WWC2: variants seen among roughly 807,000 people sequenced by gnomAD.
WWC2 encodes protein WWC2.
A neutral mutation model predicts 138.5 loss-of-function variants in WWC2; 101 were observed. The observed-to-expected ratio is 0.73, with a 90% CI of 0.62 to 0.86. The LOEUF (loss-of-function observed/expected upper bound fraction) is 0.86, where lower values mean the gene tolerates loss of function less well. Ranked by LOEUF, WWC2 falls within the 40% of genes least tolerant of loss-of-function variation. WWC2 has a pLI of 0.00. For missense variants in WWC2, 1,420 were observed against 1,419.4 expected (o/e 1.00, Z -0.01); for synonymous variants, 558 against 538.4 (o/e 1.04, Z -0.50).
chr4:183,190,867 C>A (rs904428374), intron 1 of WWC2, among the ~76,000 whole-genome samples: 6 of 152,174 alleles, frequency 3.9e-5, no homozygotes, highest in African/African-American at 1.2e-4. Context: ...TTTATAACTT[C>A]CTATTCTTAA....
At chr4:183,238,017 C>T (rs1241294599) in intron 4 of WWC2, among the ~76,000 whole-genome samples, 5 of 152,178 alleles carry the variant, frequency 3.3e-5, no homozygotes, top group Admixed American at 3.3e-4. Context: ...CTTGTTTATT[C>T]TCGTGCACCT....
rs1224337115 is a variant in WWC2 at position 183,277,798 on chromosome 4, C to A, written c.2563-2978C>A. On this transcript the variant is annotated intron_variant, in intron 16 of 22. Coordinates refer to ENST00000403733, the MANE Select transcript of WWC2 (RefSeq NM_024949.6). ...TGTCTTCTTTTGAGAAGTGTCTGTT[C>A]ATGTCCTTCGCCCACTTTTTGATGG... Among the ~76,000 whole-genome samples, 237 of 149,608 alleles carry A rather than the reference C, an allele frequency of 1.6e-3. 1 individual carries two copies. The highest frequency in any genetic ancestry group is 5.2e-3 in the African/African-American group (214 of 40,950).
chr4:183,274,308 T>C (rs1272149169), intron 16 of WWC2, among the ~76,000 whole-genome samples: 1 of 152,238 alleles, frequency 6.6e-6, no homozygotes. Context: ...TAGGTCAGTT[T>C]GGAAGATACT....
chr4:183,182,698 A>G (rs1037095991), intron 1 of WWC2, among the ~76,000 whole-genome samples: 1 of 152,216 alleles, frequency 6.6e-6, no homozygotes, highest in Non-Finnish European at 1.5e-5. Flanking sequence ...ATTCATTATG[A>G]TACAGAATGT....
chr4:183,280,118 A>G (rs113529603), intron 16 of WWC2, among the ~76,000 whole-genome samples: 85 of 151,660 alleles, frequency 5.6e-4, no homozygotes, highest in African/African-American at 1.9e-3. Flanking sequence ...GCAAATGACA[A>G]TATGGGTAGC....
chr4:183,113,442 A>G (rs957345378), intron 1 of WWC2, among the ~76,000 whole-genome samples: 5 of 151,462 alleles, frequency 3.3e-5, no homozygotes, highest in African/African-American at 7.3e-5. Context: ...TTTGGGAGCT[A>G]TTGGAGAGTT....
intron 6 of WWC2, among the ~76,000 whole-genome samples, chr4:183,247,518 T>C (rs1022537646): frequency 7.0e-6 from 1 of 142,612 alleles, no homozygotes; most frequent in African/African-American, 2.6e-5. Context: ...ATATACACTA[T>C]ACTATATATA....
At chr4:183,265,829 G>A in intron 13 of WWC2, 36 bp from the exon 14 acceptor site, 1 of 1,609,350 alleles carries the variant, frequency 6.2e-7, no homozygotes, top group East Asian at 2.2e-5. Context: ...GTGGCCTGTG[G>A]TGATTCCTGA....
At chr4:183,252,273 A>G (rs987866517) in intron 8 of WWC2, among the ~76,000 whole-genome samples, 57 of 152,230 alleles carry the variant, frequency 3.7e-4, no homozygotes, top group African/African-American at 1.4e-3. Context: ...ATCCAAAGTA[A>G]TCATCCAACG....
At chr4:183,247,587 A>ATATATAC (rs1560864596) in intron 6 of WWC2, among the ~76,000 whole-genome samples, 53 of 138,556 alleles carry the variant, frequency 3.8e-4, no homozygotes, top group African/African-American at 1.5e-3. Context: ...ACTATATACT[A>ATATATAC]TATATATGCT....
At chr4:183,303,284 G>A (rs17074589) in intron 21 of WWC2, among the ~76,000 whole-genome samples, 17,464 of 152,150 alleles carry the variant, frequency 0.11, 1,056 homozygotes, top group South Asian at 0.17. Flanking sequence ...GAAATAAACT[G>A]CTGGTTCAAA....
intron 2 of WWC2, among the ~76,000 whole-genome samples, chr4:183,199,175 A>G (rs1370970604): frequency 6.6e-6 from 1 of 152,218 alleles, no homozygotes; most frequent in African/African-American, 2.4e-5. Flanking sequence ...ACTTGAGGAA[A>G]GCAGGACTTG....
chr4:183,236,331 G>A (rs761967919), intron 4 of WWC2, among the ~76,000 whole-genome samples: 5 of 152,098 alleles, frequency 3.3e-5, no homozygotes, highest in Non-Finnish European at 5.9e-5. Context: ...TTCGTGAATC[G>A]GGCGGCCCCC....
chr4:183,148,828 CA>C (rs1305284499), intron 1 of WWC2, among the ~76,000 whole-genome samples: 1 of 151,622 alleles, frequency 6.6e-6, no homozygotes, highest in Non-Finnish European at 1.5e-5. Flanking sequence ...TGTAGATGAG[CA>C]ATTAGGAATG....
At position 183,286,075 on chromosome 4, in the gene WWC2, G is replaced by T. The variant is rs1738239405; in HGVS notation, c.3141+16G>T. The T allele has an allele frequency of 1.9e-6, 3 of 1,555,972 alleles. No individual in the cohort carries two copies. Among genetic ancestry groups the T allele is most frequent in the African/African-American group, 1.4e-5 (1 of 73,686 alleles). On this transcript the variant is annotated intron_variant, in intron 20 of 22. Transcript: ENST00000403733. ...GGTCAAAAGGGTATGTATTCCCTCA[G>T]CCACGTCCCACTGTCCCTGGACCAG...
intron 11 of WWC2, among the ~76,000 whole-genome samples, chr4:183,262,155 G>A (rs190209187): frequency 1.3e-5 from 2 of 152,344 alleles, no homozygotes; most frequent in African/African-American, 4.8e-5. Flanking sequence ...ACAGAAACAG[G>A]AAAAATATCA....
chr4:183,145,863 G>A (rs1265982770), intron 1 of WWC2, among the ~76,000 whole-genome samples: 1 of 152,154 alleles, frequency 6.6e-6, no homozygotes, highest in African/African-American at 2.4e-5. Context: ...TTCCTGTGTA[G>A]TTTATGGGGC....
At chr4:183,142,124 AAAG>A (rs1733318257) in intron 1 of WWC2, among the ~76,000 whole-genome samples, 1 of 152,240 alleles carries the variant, frequency 6.6e-6, no homozygotes, top group South Asian at 2.1e-4. Context: ...ATATTTGAGA[AAAG>A]AACATTTTCT....
intron 16 of WWC2, among the ~76,000 whole-genome samples, chr4:183,277,278 A>G (rs1489396130): frequency 2.7e-5 from 4 of 150,932 alleles, no homozygotes; most frequent in South Asian, 4.2e-4. Context: ...ATGATTTCCA[A>G]TTTCATCCAT....
Sources: allele counts gnomAD v4.1 joint callset (sites outside exome capture counted in the v4.1 genomes callset), GRCh38; gene constraint gnomAD v4.1.1; transcripts MANE v1.5; gene names NCBI Gene and HGNC (gene_info 2026-07-23, HGNC 2026-07-21).